The following RBM47 variants were observed in gnomAD, a reference collection of about 807,000 sequenced individuals.
The protein encoded by RBM47 is RNA-binding protein 47.
Under a neutral mutation model 47.1 loss-of-function variants are expected in RBM47, and 21 were observed. The ratio of observed to expected loss-of-function variants is 0.45; its 90% CI spans 0.32 to 0.64. The LOEUF is 0.64. Ranked by LOEUF, RBM47 falls within the 30% of genes least tolerant of loss-of-function variation. The pLI, the probability that RBM47 is intolerant of heterozygous loss-of-function variation, is 0.05. For synonymous variants in RBM47, 375 were observed against 361.7 expected, an observed-to-expected ratio of 1.04 and a Z score of -0.42; for missense variants, 708 against 870.9, an observed-to-expected ratio of 0.81 and a Z score of 2.35.
chr4:40,518,002 T>C (rs1488586676), intron 2 of RBM47, among the ~76,000 whole-genome samples: 1 of 152,084 alleles, frequency 6.6e-6, no homozygotes, highest in East Asian at 1.9e-4. Context: ...TATAAACAAA[T>C]GCCAGAATTT....
intron 1 of RBM47, among the ~76,000 whole-genome samples, chr4:40,612,919 A>G (rs1424788897): frequency 6.6e-6 from 1 of 152,184 alleles, no homozygotes; most frequent in African/African-American, 2.4e-5. Flanking sequence ...AACTTAGGTA[A>G]ACTCAGCTTC....
At chr4:40,562,101 C>A (rs555796660) in intron 1 of RBM47, among the ~76,000 whole-genome samples, 161 of 152,204 alleles carry the variant, frequency 1.1e-3, no homozygotes, top group African/African-American at 3.7e-3. Context: ...AGGAAACATA[C>A]CCCCAAGTGA....
intron 1 of RBM47, among the ~76,000 whole-genome samples, chr4:40,563,490 C>T (rs898529097): frequency 4.6e-5 from 7 of 152,140 alleles, no homozygotes; most frequent in South Asian, 2.1e-4. Flanking sequence ...CTCTTAAAAC[C>T]GCAAAATACC....
chr4:40,461,834 C>A (rs1476922345), intron 3 of RBM47, among the ~76,000 whole-genome samples: 2 of 151,466 alleles, frequency 1.3e-5, no homozygotes, highest in Admixed American at 1.3e-4. Context: ...ACTCGAGAGG[C>A]TGAGGTAGGA....
rs555207429 is a variant in RBM47 at position 40,570,186 on chromosome 4, G to T, written c.-239-25680C>A. ...AGGGGTGAGAATGGTGAAGGGAGAA[G>T]TGATGGTTTGGGGATGATTCAAGCA... On this transcript the variant is annotated intron_variant, in intron 1 of 6. Coordinates refer to ENST00000295971, the MANE Select transcript of RBM47 (RefSeq NM_001098634.2). Among the ~76,000 whole-genome samples, 3 of 152,006 alleles carry T rather than the reference G, an allele frequency of 2.0e-5. No homozygotes were observed. The South Asian group carries it at 6.2e-4, about 32-fold the overall frequency.
chr4:40,527,436 A>ATTTTTTTTTTTTTTTTTTTTTT (rs60524903), intron 2 of RBM47, among the ~76,000 whole-genome samples: 1 of 104,718 alleles, frequency 9.5e-6, no homozygotes, highest in African/African-American at 3.9e-5. Flanking sequence ...ACACCTGGCA[A>ATTTTTTTTTTTTTTTTTTTTTT]TTTTTTTTTT....
chr4:40,578,551 T>C (rs1413662760), intron 1 of RBM47, among the ~76,000 whole-genome samples: 1 of 152,234 alleles, frequency 6.6e-6, no homozygotes, highest in Non-Finnish European at 1.5e-5. Context: ...CTACTTCCAT[T>C]CATTTTCAGT....
chr4:40,551,236 A>T (rs1004207655), intron 1 of RBM47, among the ~76,000 whole-genome samples: 1 of 152,162 alleles, frequency 6.6e-6, no homozygotes, highest in Admixed American at 6.5e-5. Flanking sequence ...GCCACAAAAT[A>T]CATATGGTTC....
At chr4:40,528,633 C>G (rs552551209) in intron 2 of RBM47, among the ~76,000 whole-genome samples, 2 of 151,280 alleles carry the variant, frequency 1.3e-5, no homozygotes, top group Non-Finnish European at 2.9e-5. Flanking sequence ...GGCATGGTGG[C>G]ATGCACCTGT....
chr4:40,569,599 T>C lies in RBM47; in HGVS notation c.-239-25093A>G, dbSNP rs553861302. ...TAATTTTTTGTATTTTTAGTAAAGA[T>C]GGGGTTTTACCGTGTTAGCCAGGAC... On this transcript the variant is annotated intron_variant, in intron 1 of 6. Coordinates refer to ENST00000295971, the MANE Select transcript of RBM47 (RefSeq NM_001098634.2). Among the ~76,000 whole-genome samples, 7 of 151,632 alleles carry C rather than the reference T, an allele frequency of 4.6e-5. No homozygotes were observed. In the East Asian group the frequency reaches 5.8e-4, roughly 13 times the overall value.
chr4:40,574,788 T>TGCATTGAGCC (rs1261763594), intron 1 of RBM47, among the ~76,000 whole-genome samples: 2 of 152,138 alleles, frequency 1.3e-5, no homozygotes, highest in African/African-American at 4.8e-5. Flanking sequence ...AGGCAGAGGT[T>TGCATTGAGCC]GCATTGAGCC....
intron 1 of RBM47, among the ~76,000 whole-genome samples, chr4:40,546,622 C>T (rs933549838): frequency 2.0e-5 from 3 of 152,126 alleles, no homozygotes; most frequent in Non-Finnish European, 4.4e-5. Flanking sequence ...TCATTTGTTC[C>T]AAAGTTCTTC....
chr4:40,484,803 T>C lies in RBM47; in HGVS notation c.-154-18104A>G, dbSNP rs143093504. On this transcript the variant is annotated intron_variant, in intron 2 of 6. Transcript: ENST00000295971. ...AGGATTTTTTTTATCCAGGTATCTA[T>C]CTTTCTCAACACAACTTTACTCACT... 2.0e-5 allele frequency among the ~76,000 whole-genome samples: 3 copies of C among 152,338 alleles called. No individual in the cohort carries two copies. The East Asian group carries it at 5.8e-4, about 29-fold the overall frequency.
intron 1 of RBM47, among the ~76,000 whole-genome samples, chr4:40,556,700 G>A (rs555996541): frequency 3.0e-4 from 45 of 151,902 alleles, no homozygotes; most frequent in African/African-American, 1.0e-3. Flanking sequence ...GACCAGCCTG[G>A]GCAATATGGC....
intron 1 of RBM47, among the ~76,000 whole-genome samples, chr4:40,619,253 A>T (rs1737036278): frequency 6.6e-6 from 1 of 152,114 alleles, no homozygotes; most frequent in Non-Finnish European, 1.5e-5. Flanking sequence ...AAAGAGTGAG[A>T]CCCTGTCTCT....
intron 1 of RBM47, among the ~76,000 whole-genome samples, chr4:40,609,430 A>G (rs2154278933): frequency 6.6e-6 from 1 of 151,344 alleles, no homozygotes; most frequent in Non-Finnish European, 1.5e-5. Context: ...CTTGTGCCTC[A>G]GCCTCTAGAG....
At chr4:40,613,874 T>C (rs1218724860) in intron 1 of RBM47, among the ~76,000 whole-genome samples, 1 of 151,894 alleles carries the variant, frequency 6.6e-6, no homozygotes, top group East Asian at 1.9e-4. Flanking sequence ...GCCTCAGCCC[T>C]ATGGACATTT....
chr4:40,470,550 T>C (rs1033613757), intron 2 of RBM47, among the ~76,000 whole-genome samples: 16 of 152,190 alleles, frequency 1.1e-4, no homozygotes, highest in African/African-American at 3.9e-4. Context: ...AAGTCCATTT[T>C]TGGAATGAAG....
chr4:40,586,824 C>T (rs1050565483), intron 1 of RBM47, among the ~76,000 whole-genome samples: 1 of 151,854 alleles, frequency 6.6e-6, no homozygotes, highest in African/African-American at 2.4e-5. Flanking sequence ...AGACAGTGCA[C>T]ACAGTCACAG....
Sources: gnomAD v4.1 joint callset for allele counts (sites outside exome capture counted in the v4.1 genomes callset) on GRCh38, gnomAD v4.1.1 for gene constraint, MANE v1.5 for transcripts, NCBI Gene and HGNC (gene_info 2026-07-23, HGNC 2026-07-21) for gene names.